C2CD3: variants seen among roughly 807,000 people sequenced by gnomAD.
C2CD3 encodes the protein C2 domain containing 3 centriole elongation regulator, also known as C2 domain-containing protein 3.
A neutral mutation model predicts 234.0 loss-of-function variants in C2CD3; 148 were observed. The observed-to-expected ratio is 0.63, with a 90% CI of 0.55 to 0.72. The LOEUF (loss-of-function observed/expected upper bound fraction) is 0.72. Ranked by LOEUF, C2CD3 falls within the 30% of genes least tolerant of loss-of-function variation. The pLI is 0.00. For missense variants in C2CD3, 2,577 were observed against 2,811.5 expected (o/e 0.92, Z 1.89); for synonymous variants, 1,000 against 1,035.4 (o/e 0.97, Z 0.66).
intron 3 of C2CD3, among the ~76,000 whole-genome samples, chr11:74,148,953 G>T (rs1855404237): frequency 6.9e-6 from 1 of 145,746 alleles, no homozygotes; most frequent in South Asian, 2.2e-4. Context: ...TGCACATTTA[G>T]ATTCAAACAG....
At chr11:74,083,829 T>G (rs548171280) in intron 22 of C2CD3, among the ~76,000 whole-genome samples, 2 of 152,290 alleles carry the variant, frequency 1.3e-5, no homozygotes, top group South Asian at 2.1e-4. Context: ...ATAGGAACGC[T>G]TTTACACTGT....
intron 32 of C2CD3, chr11:74,016,758 A>G (rs1338269069): frequency 1.3e-5 from 2 of 152,250 alleles, no homozygotes; most frequent in African/African-American, 4.8e-5. Context: ...CCTCAAATGT[A>G]TCATCCATTC....
chr11:74,056,688 T>C (rs1953963578), intron 25 of C2CD3, among the ~76,000 whole-genome samples: 1 of 152,204 alleles, frequency 6.6e-6, no homozygotes, highest in Non-Finnish European at 1.5e-5. Flanking sequence ...AGAAGTCTTT[T>C]CCAAGGATGA....
intron 3 of C2CD3, among the ~76,000 whole-genome samples, chr11:74,146,574 A>G (rs1855200368): frequency 6.6e-6 from 1 of 152,200 alleles, no homozygotes; most frequent in South Asian, 2.1e-4. Context: ...ACAAAGGATG[A>G]TGATCCTGAA....
chr11:74,170,852 T>A lies in C2CD3; in HGVS notation c.-60A>T, dbSNP rs1488488278. On this transcript the variant is annotated 5_prime_UTR_variant, in exon 1 of 33. Transcript: ENST00000334126. ...CGTCTCCAGCACCTAAGCAGTATCCTCCCGCCATCCCTCCCCACGGCGCCT... is the reference window on the plus strand; with the variant it reads ...CGTCTCCAGCACCTAAGCAGTATCCACCCGCCATCCCTCCCCACGGCGCCT... The A allele has an allele frequency of 3.8e-6, 6 of 1,566,132 alleles. No individual in the cohort carries two copies. The African/African-American group carries it at 5.5e-5, about 14-fold the overall frequency.
chr11:74,067,193 G>C (rs1954582200), intron 24 of C2CD3, among the ~76,000 whole-genome samples: 1 of 152,034 alleles, frequency 6.6e-6, no homozygotes, highest in Non-Finnish European at 1.5e-5. Context: ...AAAGAAACTG[G>C]GTGATGGGAA....
At chr11:74,152,993 AG>A (rs971357570) in intron 3 of C2CD3, among the ~76,000 whole-genome samples, 2 of 152,164 alleles carry the variant, frequency 1.3e-5, no homozygotes, top group African/African-American at 4.8e-5. Flanking sequence ...TGAGAGACTG[AG>A]AAAGGAGGAT....
At chr11:74,133,680 C>T in intron 5 of C2CD3, 123 bp from the exon 6 acceptor site, 1 of 940,668 alleles carries the variant, frequency 1.1e-6, no homozygotes. Flanking sequence ...TGCTCATCTG[C>T]CTTCCCCATT....
In C2CD3 at chr11:74,103,442, C is replaced by A. The variant is rs1956393956; in HGVS notation, c.2269G>T (p.Ala757Ser). 1.9e-6 allele frequency: 3 copies of A among 1,614,156 alleles called. No individual in the cohort carries two copies. The highest frequency in any genetic ancestry group is 1.3e-5 in the African/African-American group (1 of 75,046). Residue 757 changes from alanine to serine, a missense_variant, in exon 14 of 33, where the codon GCA becomes TCA. By Grantham distance (99) the Ala-to-Ser change is moderately conservative. Coordinates refer to ENST00000334126, the MANE Select transcript of C2CD3 (RefSeq NM_001286577.2). ...AGCACCAAGTTCTGTGCTTTCTTTGCAGTTTCCTCATGAATTTGGTTTAAG... is the reference window on the plus strand; with the variant it reads ...AGCACCAAGTTCTGTGCTTTCTTTGAAGTTTCCTCATGAATTTGGTTTAAG... ...QNLNQIHEET[A>S]KKAQNLVLPN...
intron 3 of C2CD3, among the ~76,000 whole-genome samples, chr11:74,145,890 T>A (rs1304543924): frequency 6.6e-6 from 1 of 152,258 alleles, no homozygotes; most frequent in Admixed American, 6.5e-5. Context: ...CCTACCTATA[T>A]GTCCTGAATT....
At chr11:74,122,401 G>C (rs1957246950) in intron 8 of C2CD3, among the ~76,000 whole-genome samples, 1 of 152,090 alleles carries the variant, frequency 6.6e-6, no homozygotes, top group African/African-American at 2.4e-5. Context: ...TTGACCTGGA[G>C]AAAAGGAAAA....
At position 74,085,891 on chromosome 11, in the gene C2CD3, AGAG is replaced by A. The variant is rs748267962; in HGVS notation, c.3642-8_3642-6del. 1.6e-5 allele frequency: 26 copies of A among 1,605,938 alleles called. No individual in the cohort carries two copies. The highest frequency in any genetic ancestry group is 2.2e-5 in the East Asian group (1 of 44,638). On this transcript the variant is annotated splice_region_variant and splice_polypyrimidine_tract_variant and intron_variant, in intron 20 of 32. Transcript: ENST00000334126. ...GGTTCCCGTTCAGCCAAAGCCCTGT[AGAG>A]GAGAAGGGTGGAAATGAGAAGATAC...
intron 7 of C2CD3, among the ~76,000 whole-genome samples, chr11:74,132,613 G>C (rs990858292): frequency 2.0e-5 from 3 of 152,206 alleles, no homozygotes; most frequent in African/African-American, 7.2e-5. Flanking sequence ...TGGGGAAAGA[G>C]TTGGGAGATA....
intron 17 of C2CD3, among the ~76,000 whole-genome samples, chr11:74,094,934 G>A (rs1956051076): frequency 6.6e-6 from 1 of 152,056 alleles, no homozygotes; most frequent in South Asian, 2.1e-4. Context: ...ATAAGAGTGG[G>A]CATGTAAAGG....
intron 30 of C2CD3, chr11:74,034,550 C>T (rs757032395): frequency 1.1e-5 from 17 of 1,613,342 alleles, no homozygotes; most frequent in Non-Finnish European, 1.4e-5. Flanking sequence ...GCTCAGGAAT[C>T]GTTGGGAGCT....
chr11:74,076,746 G>A (rs561909210), intron 23 of C2CD3, among the ~76,000 whole-genome samples: 3 of 152,198 alleles, frequency 2.0e-5, no homozygotes, highest in African/African-American at 4.8e-5. Context: ...GACCCATGCT[G>A]TTCCCTTCTT....
At chr11:74,087,953 A>C (rs561101133) in intron 20 of C2CD3, among the ~76,000 whole-genome samples, 24 of 152,314 alleles carry the variant, frequency 1.6e-4, no homozygotes, top group Non-Finnish European at 1.5e-5. Flanking sequence ...GGCACCAACA[A>C]TGTATTTTCA....
In C2CD3 at chr11:74,090,888, T is replaced by C. The variant is rs1426615068; in HGVS notation, c.3566A>G (p.Glu1189Gly). The change falls in exon 20 of 33, where the codon GAG becomes GGG. Residue 1189 changes from glutamate (E) to glycine (G), a missense_variant. By Grantham distance (98) the Glu-to-Gly change is moderately conservative. Transcript: ENST00000334126. ...AACAGTTCGGGCAGCAAGAACTCCC[T>C]CTGCTGTTCTTGGACTACGCCTGTA... ...LRYRRSPRTA[E>G]GVLAARTVSI... The C allele has an allele frequency of 2.5e-6, 4 of 1,613,928 alleles. No individual in the cohort carries two copies. The highest frequency in any genetic ancestry group is 2.2e-5 in the South Asian group (2 of 91,082).
At chr11:74,140,501 T>C (rs1430459182) in intron 3 of C2CD3, among the ~76,000 whole-genome samples, 1 of 152,182 alleles carries the variant, frequency 6.6e-6, no homozygotes, top group African/African-American at 2.4e-5. Context: ...GAGAAGATAA[T>C]GTGATTATAC....
Sources: gnomAD v4.1 joint callset for allele counts (sites outside exome capture counted in the v4.1 genomes callset) on GRCh38, gnomAD v4.1.1 for gene constraint, MANE v1.5 for transcripts, NCBI Gene and HGNC (gene_info 2026-07-23, HGNC 2026-07-21) for gene names.